Variants in BICC1 observed in about 807,000 individuals in gnomAD.
BICC1 encodes BicC family RNA binding protein 1, also known as protein bicaudal C homolog 1.
Under a neutral mutation model 111.0 loss-of-function variants are expected in BICC1, and 43 were observed. That is an observed-to-expected ratio of 0.39 (90% CI 0.30 to 0.50). The LOEUF (loss-of-function observed/expected upper bound fraction) is 0.50, where lower values mean the gene tolerates loss of function less well. Among genes scored for constraint, BICC1 ranks in the 20% least tolerant of loss-of-function variants. BICC1 has a pLI of 0.88. For missense variants in BICC1, 1,091 were observed against 1,203.2 expected (o/e 0.91, Z 1.38); for synonymous variants, 467 against 434.4 (o/e 1.07, Z -0.93).
At chr10:58,663,596 C>T (rs1838915176) in intron 2 of BICC1, among the ~76,000 whole-genome samples, 1 of 152,168 alleles carries the variant, frequency 6.6e-6, no homozygotes. Context: ...AGATCAGCGG[C>T]AGCATTAGAT....
At chr10:58,752,536 G>A (rs1344006429) in intron 3 of BICC1, among the ~76,000 whole-genome samples, 1 of 152,082 alleles carries the variant, frequency 6.6e-6, no homozygotes, top group African/African-American at 2.4e-5. Context: ...TTTTCTTTTA[G>A]CATCTTTATC....
At chr10:58,570,517 G>T (rs544295664) in intron 1 of BICC1, among the ~76,000 whole-genome samples, 2 of 152,114 alleles carry the variant, frequency 1.3e-5, no homozygotes, top group African/African-American at 4.8e-5. Context: ...TGTTGAAAGA[G>T]GGTGAAGTGA....
intron 2 of BICC1, among the ~76,000 whole-genome samples, chr10:58,678,758 T>G (rs1351960315): frequency 6.6e-6 from 1 of 152,176 alleles, no homozygotes; most frequent in Admixed American, 6.5e-5. Context: ...ACATCACACT[T>G]ATTCTAAAAC....
intron 15 of BICC1, among the ~76,000 whole-genome samples, chr10:58,804,467 A>C (rs1843650497): frequency 6.6e-6 from 1 of 152,190 alleles, no homozygotes; most frequent in Non-Finnish European, 1.5e-5. Context: ...GCTGTGAGCC[A>C]AGATTGCACC....
intron 1 of BICC1, among the ~76,000 whole-genome samples, chr10:58,595,783 C>T (rs989935103): frequency 6.6e-6 from 1 of 152,008 alleles, no homozygotes; most frequent in Admixed American, 6.6e-5. Context: ...AATTGACACC[C>T]TAATGTCAAA....
At chr10:58,754,406 T>A (rs1224452366) in intron 3 of BICC1, among the ~76,000 whole-genome samples, 1 of 152,216 alleles carries the variant, frequency 6.6e-6, no homozygotes, top group Non-Finnish European at 1.5e-5. Context: ...AACTGGATAA[T>A]CCAAAAGTTG....
intron 5 of BICC1, among the ~76,000 whole-genome samples, chr10:58,787,416 C>G (rs772753733): frequency 2.0e-5 from 3 of 152,186 alleles, no homozygotes; most frequent in Non-Finnish European, 4.4e-5. Context: ...TATCCATTGC[C>G]TGGTAGAGAC....
chr10:58,657,289 C>T (rs911781425), intron 2 of BICC1, among the ~76,000 whole-genome samples: 9 of 152,156 alleles, frequency 5.9e-5, no homozygotes, highest in Non-Finnish European at 2.9e-5. Context: ...ACCATCTTCT[C>T]ACTCATTGGC....
In BICC1 at chr10:58,685,439, A is replaced by G. The variant is rs1478988209; in HGVS notation, c.238-16635A>G. Among the ~76,000 whole-genome samples the G allele has an allele frequency of 2.0e-5, 3 of 152,032 alleles. No individual in the cohort carries two copies. In the East Asian group the frequency reaches 5.8e-4, roughly 29 times the overall value. On this transcript the variant is annotated intron_variant, in intron 2 of 20. Coordinates refer to ENST00000373886, the MANE Select transcript of BICC1 (RefSeq NM_001080512.3). ...AATATCCTTGTTAACTTTTTGTCTC[A>G]TTGTTGTGTCTAATGTTGACAGTAG...
intron 20 of BICC1, chr10:58,824,190 T>TTG: frequency 2.9e-6 from 2 of 680,506 alleles, no homozygotes; most frequent in Non-Finnish European, 3.6e-6. Context: ...GCTCAGGGCA[T>TTG]TGACCTTTCC....
At chr10:58,648,189 C>T (rs959360102) in intron 2 of BICC1, among the ~76,000 whole-genome samples, 7 of 152,192 alleles carry the variant, frequency 4.6e-5, no homozygotes, top group Non-Finnish European at 1.0e-4. Context: ...AAGACTGTCT[C>T]CTCCGGTAGA....
At chr10:58,752,612 C>T (rs1014634343) in intron 3 of BICC1, among the ~76,000 whole-genome samples, 1 of 152,142 alleles carries the variant, frequency 6.6e-6, no homozygotes, top group Non-Finnish European at 1.5e-5. Context: ...CTTCTGATCC[C>T]ATCTCCTTAG....
intron 2 of BICC1, among the ~76,000 whole-genome samples, chr10:58,682,958 A>G (rs940491181): frequency 1.3e-5 from 2 of 152,220 alleles, no homozygotes; most frequent in Admixed American, 1.3e-4. Context: ...GTCCTTGCCC[A>G]TGCCTATGTC....
chr10:58,621,734 C>T (rs1280373417), intron 2 of BICC1, among the ~76,000 whole-genome samples: 1 of 151,800 alleles, frequency 6.6e-6, no homozygotes, highest in East Asian at 1.9e-4. Flanking sequence ...CCTGTCTCTA[C>T]TAAAAATATA....
intron 3 of BICC1, among the ~76,000 whole-genome samples, chr10:58,723,130 T>C (rs552189270): frequency 1.3e-5 from 2 of 152,352 alleles, no homozygotes; most frequent in East Asian, 3.9e-4. Flanking sequence ...CCCAATAAAA[T>C]GCTTAGCTTT....
At chr10:58,765,177 G>T (rs572112882) in intron 3 of BICC1, among the ~76,000 whole-genome samples, 1 of 152,148 alleles carries the variant, frequency 6.6e-6, no homozygotes, top group South Asian at 2.1e-4. Context: ...CCGCCTCTCC[G>T]TTCAAGCAAT....
At chr10:58,611,225 A>G (rs1845407164) in intron 1 of BICC1, among the ~76,000 whole-genome samples, 1 of 152,248 alleles carries the variant, frequency 6.6e-6, no homozygotes. Context: ...TCTAATTAAA[A>G]AGCAATTCAA....
chr10:58,696,231 G>T (rs1360516565), intron 2 of BICC1, among the ~76,000 whole-genome samples: 1 of 151,746 alleles, frequency 6.6e-6, no homozygotes, highest in Non-Finnish European at 1.5e-5. Context: ...TAAATATAAA[G>T]TGGAAAGTTA....
At chr10:58,623,912 CAATT>C (rs1845905502) in intron 2 of BICC1, among the ~76,000 whole-genome samples, 1 of 151,782 alleles carries the variant, frequency 6.6e-6, no homozygotes, top group African/African-American at 2.4e-5. Context: ...TTGGAGAAAA[CAATT>C]GATTTTGCAG....
Sources: allele counts gnomAD v4.1 joint callset (sites outside exome capture counted in the v4.1 genomes callset), GRCh38; gene constraint gnomAD v4.1.1; transcripts MANE v1.5; gene names NCBI Gene and HGNC (gene_info 2026-07-23, HGNC 2026-07-21).